The following CNTNAP2 variants were observed in gnomAD, a reference collection of about 807,000 sequenced individuals.
The protein encoded by CNTNAP2 is contactin-associated protein-like 2.
Under a neutral mutation model 155.2 loss-of-function variants are expected in CNTNAP2, and 98 were observed. That is an observed-to-expected ratio of 0.63 (90% CI 0.54 to 0.75). The LOEUF is 0.75. Among genes scored for constraint, CNTNAP2 ranks in the 30% least tolerant of loss-of-function variants. The pLI, the probability that CNTNAP2 is intolerant of heterozygous loss-of-function variation, is 0.00. For synonymous variants in CNTNAP2, 651 were observed against 631.2 expected (o/e 1.03, Z -0.47); for missense variants, 1,727 against 1,688.1 (o/e 1.02, Z -0.40).
chr7:147,773,848 T>C (rs1237886427), intron 13 of CNTNAP2, among the ~76,000 whole-genome samples: 1 of 152,208 alleles, frequency 6.6e-6, no homozygotes, highest in Non-Finnish European at 1.5e-5. Context: ...ACAAAAAATT[T>C]TTTTTAATAA....
chr7:148,266,900 T>C (rs1402248095), intron 20 of CNTNAP2, 133 bp from the exon 21 acceptor site: 1 of 832,724 alleles, frequency 1.2e-6, no homozygotes, highest in East Asian at 2.5e-5. Flanking sequence ...GGTGGTGTTT[T>C]AGAGTCAGTG....
intron 13 of CNTNAP2, among the ~76,000 whole-genome samples, chr7:147,874,087 T>A (rs1799380892): frequency 6.6e-6 from 1 of 152,196 alleles, no homozygotes; most frequent in South Asian, 2.1e-4. Flanking sequence ...CCATCTCAGC[T>A]GCTTTCATGG....
rs191277090 is a variant in CNTNAP2, at chr7:148,335,778, T to C, written c.3476-47871T>C. Among the ~76,000 whole-genome samples, 352 of 152,332 alleles carry C rather than the reference T, an allele frequency of 2.3e-3. 2 individuals are homozygous for C. The highest frequency in any genetic ancestry group is 7.9e-3 in the African/African-American group (328 of 41,576). On this transcript the variant is annotated intron_variant, in intron 21 of 23. Transcript: ENST00000361727. Reference sequence around the variant, plus strand: ...AATTTAGAGACAATTTGCTAAACTTTCTAGATTTTTATTTACTTAACATTG... The same window carrying C: ...AATTTAGAGACAATTTGCTAAACTTCCTAGATTTTTATTTACTTAACATTG...
intron 8 of CNTNAP2, among the ~76,000 whole-genome samples, chr7:147,179,581 T>C (rs1166424450): frequency 2.0e-5 from 3 of 152,230 alleles, no homozygotes; most frequent in Non-Finnish European, 4.4e-5. Flanking sequence ...TGACCCATTT[T>C]GTTATCTTTT....
intron 10 of CNTNAP2, among the ~76,000 whole-genome samples, chr7:147,423,069 C>G (rs1563198974): frequency 6.6e-6 from 1 of 152,150 alleles, no homozygotes; most frequent in African/African-American, 2.4e-5. Flanking sequence ...ATAGCAGTTG[C>G]TAAGACTTTG....
At chr7:147,392,249 T>C (rs1226019158) in intron 9 of CNTNAP2, among the ~76,000 whole-genome samples, 2 of 152,062 alleles carry the variant, frequency 1.3e-5, no homozygotes, top group African/African-American at 4.8e-5. Flanking sequence ...ACTTGCATAT[T>C]CCTGTCCCTA....
intron 4 of CNTNAP2, among the ~76,000 whole-genome samples, chr7:147,086,391 G>T (rs1800279142): frequency 1.3e-5 from 2 of 150,160 alleles, no homozygotes; most frequent in South Asian, 4.2e-4. Flanking sequence ...CAGAAAATAT[G>T]TTTCTCTTTC....
chr7:146,140,637 T>A (rs1254920461), intron 1 of CNTNAP2, among the ~76,000 whole-genome samples: 1 of 152,156 alleles, frequency 6.6e-6, no homozygotes, highest in Non-Finnish European at 1.5e-5. Flanking sequence ...AGTTAATAAA[T>A]GCTTGGATTT....
intron 3 of CNTNAP2, among the ~76,000 whole-genome samples, chr7:146,993,297 C>T (rs1229272062): frequency 6.6e-6 from 1 of 152,216 alleles, no homozygotes; most frequent in East Asian, 1.9e-4. Context: ...GGGCTGCTGG[C>T]ACTTGGGAGG....
chr7:146,658,177 C>T (rs1371609736), intron 1 of CNTNAP2, among the ~76,000 whole-genome samples: 7 of 152,088 alleles, frequency 4.6e-5, no homozygotes, highest in African/African-American at 9.7e-5. Flanking sequence ...CTTTGCATAG[C>T]GTCCTCTGCA....
intron 21 of CNTNAP2, among the ~76,000 whole-genome samples, chr7:148,300,319 A>G (rs985846939): frequency 6.6e-5 from 10 of 152,220 alleles, no homozygotes; most frequent in African/African-American, 1.2e-4. Flanking sequence ...GAATATATGT[A>G]GAAATACAAG....
At chr7:147,758,833 A>G (rs1045510401) in intron 13 of CNTNAP2, among the ~76,000 whole-genome samples, 9 of 152,182 alleles carry the variant, frequency 5.9e-5, no homozygotes, top group Admixed American at 2.6e-4. Flanking sequence ...TAACAGAGTG[A>G]GACACTGTCT....
intron 15 of CNTNAP2, among the ~76,000 whole-genome samples, chr7:148,037,087 T>A (rs1347315481): frequency 1.3e-5 from 2 of 152,206 alleles, no homozygotes; most frequent in Non-Finnish European, 2.9e-5. Flanking sequence ...TTTACTTTTC[T>A]CTTGTTAAAT....
chr7:148,169,967 A>G (rs1001171711), intron 17 of CNTNAP2, among the ~76,000 whole-genome samples: 2 of 152,064 alleles, frequency 1.3e-5, no homozygotes, highest in African/African-American at 4.8e-5. Context: ...CTCAAAAAAA[A>G]AAAGTTTCAT....
chr7:148,131,225 A>C (rs1436231661), intron 16 of CNTNAP2, among the ~76,000 whole-genome samples: 2 of 150,768 alleles, frequency 1.3e-5, no homozygotes, highest in African/African-American at 4.9e-5. Context: ...TGGCCTCCCG[A>C]GTAGCTGGGA....
chr7:146,178,428 A>G (rs1462519673), intron 1 of CNTNAP2, among the ~76,000 whole-genome samples: 1 of 152,218 alleles, frequency 6.6e-6, no homozygotes, highest in Non-Finnish European at 1.5e-5. Flanking sequence ...CATCAGATTT[A>G]TCGAACATGC....
chr7:147,580,417 C>T (rs1800476784), intron 12 of CNTNAP2, among the ~76,000 whole-genome samples: 2 of 152,150 alleles, frequency 1.3e-5, no homozygotes, highest in Non-Finnish European at 2.9e-5. Flanking sequence ...TACCTAGTCA[C>T]ATCTAGTTTT....
At chr7:146,243,171 A>G (rs1799590908) in intron 1 of CNTNAP2, among the ~76,000 whole-genome samples, 1 of 152,118 alleles carries the variant, frequency 6.6e-6, no homozygotes, top group Non-Finnish European at 1.5e-5. Flanking sequence ...TTACTTCTTC[A>G]GTTGTGCAAC....
Position 146,745,726 on chromosome 7 carries a change from ACTGTACTCCAGC to A in CNTNAP2, c.98-28541_98-28530del, listed in dbSNP as rs575200958. Among the ~76,000 whole-genome samples, 7 of 150,348 alleles carry A rather than the reference ACTGTACTCCAGC, an allele frequency of 4.7e-5. No individual in the cohort carries two copies. In the South Asian group the frequency reaches 1.1e-3, roughly 23 times the overall value. On this transcript the variant is annotated intron_variant, in intron 1 of 23. Coordinates refer to ENST00000361727, the MANE Select transcript of CNTNAP2 (RefSeq NM_014141.6). ...GATTGCAGTAAACTGAGATTGTGCC[ACTGTACTCCAGC>A]CTGGCGACAGAGCAAGACTCCATCT...
Sources: gnomAD v4.1 joint callset for allele counts (sites outside exome capture counted in the v4.1 genomes callset) on GRCh38, gnomAD v4.1.1 for gene constraint, MANE v1.5 for transcripts, NCBI Gene and HGNC (gene_info 2026-07-23, HGNC 2026-07-21) for gene names.